PTPRD: variants seen among roughly 807,000 people sequenced by gnomAD.
PTPRD encodes receptor-type tyrosine-protein phosphatase delta.
In PTPRD, 34 loss-of-function variants were observed where a neutral mutation model predicts 214.5. The observed-to-expected ratio is 0.16, with a 90% CI of 0.12 to 0.21. The LOEUF (loss-of-function observed/expected upper bound fraction) is 0.21, where lower values mean the gene tolerates loss of function less well. Among genes scored for constraint, PTPRD ranks in the 10% least tolerant of loss-of-function variants. The pLI is 1.00. For synonymous variants in PTPRD, 1,128 were observed against 845.7 expected, an observed-to-expected ratio of 1.33 and a Z score of -5.79; for missense variants, 2,545 against 2,398.7, an observed-to-expected ratio of 1.06 and a Z score of -1.27.
intron 30 of PTPRD, among the ~76,000 whole-genome samples, chr9:8,473,333 T>C (rs1201897202): frequency 1.3e-5 from 2 of 152,094 alleles, no homozygotes; most frequent in African/African-American, 4.8e-5. Context: ...CCAATATCTT[T>C]TATGTTATGA....
At chr9:10,402,062 G>C (rs1241406272) in intron 2 of PTPRD, among the ~76,000 whole-genome samples, 2 of 151,504 alleles carry the variant, frequency 1.3e-5, no homozygotes, top group Non-Finnish European at 3.0e-5. Context: ...AGAGTAAAAT[G>C]ACTGTGGTTT....
chr9:8,328,067 T>G (rs1422003767), intron 44 of PTPRD, among the ~76,000 whole-genome samples: 1 of 152,190 alleles, frequency 6.6e-6, no homozygotes, highest in African/African-American at 2.4e-5. Flanking sequence ...CATTATGATG[T>G]TTGCTGGTTA....
intron 11 of PTPRD, among the ~76,000 whole-genome samples, chr9:8,981,286 T>C (rs1054885002): frequency 6.6e-6 from 1 of 152,084 alleles, no homozygotes; most frequent in Non-Finnish European, 1.5e-5. Flanking sequence ...GGATCATAAT[T>C]ATTTTTAGGA....
At chr9:8,498,817 T>G (rs2136721040) in intron 25 of PTPRD, among the ~76,000 whole-genome samples, 2 of 152,264 alleles carry the variant, frequency 1.3e-5, no homozygotes, top group South Asian at 4.2e-4. Context: ...AGATGAAATC[T>G]TCATCTTCCT....
chr9:8,455,074 T>C (rs1044530248), intron 33 of PTPRD, among the ~76,000 whole-genome samples: 1 of 152,238 alleles, frequency 6.6e-6, no homozygotes, highest in Non-Finnish European at 1.5e-5. Flanking sequence ...ATATAAAATA[T>C]CTGCAAATTG....
At chr9:10,079,176 A>C (rs1029263664) in intron 3 of PTPRD, among the ~76,000 whole-genome samples, 6 of 151,962 alleles carry the variant, frequency 3.9e-5, no homozygotes, top group African/African-American at 1.4e-4. Context: ...TGGGAAGGTA[A>C]AAATGGTACT....
At chr9:9,515,766 T>C (rs927049300) in intron 8 of PTPRD, among the ~76,000 whole-genome samples, 2 of 152,086 alleles carry the variant, frequency 1.3e-5, no homozygotes, top group Non-Finnish European at 2.9e-5. Flanking sequence ...AAAAGTTTGA[T>C]GTTCTTAAGT....
At chr9:8,934,484 TATATATATAAATATATATATAA>T (rs2098980693) in intron 11 of PTPRD, among the ~76,000 whole-genome samples, 2 of 15,732 alleles carry the variant, frequency 1.3e-4, no homozygotes, top group Non-Finnish European at 3.3e-4. Flanking sequence ...TATAAATATA[TATATATATAAATATATATATAA>T]ATATATATAT....
intron 9 of PTPRD, among the ~76,000 whole-genome samples, chr9:9,316,641 C>T (rs890259613): frequency 5.3e-5 from 8 of 152,032 alleles, no homozygotes; most frequent in African/African-American, 1.4e-4. Context: ...ATCAACTATG[C>T]CACTTTTCTT....
At chr9:9,658,716 T>A (rs1258910699) in intron 7 of PTPRD, among the ~76,000 whole-genome samples, 4 of 152,194 alleles carry the variant, frequency 2.6e-5, no homozygotes. Flanking sequence ...TTTATCCTGG[T>A]CATTATCACT....
chr9:10,297,330 T>C (rs959240103), intron 3 of PTPRD, among the ~76,000 whole-genome samples: 2 of 151,914 alleles, frequency 1.3e-5, no homozygotes, highest in Non-Finnish European at 2.9e-5. Context: ...TACAAGAAAC[T>C]GTACCATTTT....
intron 3 of PTPRD, among the ~76,000 whole-genome samples, chr9:10,209,108 G>C (rs937840625): frequency 1.3e-5 from 2 of 152,086 alleles, no homozygotes; most frequent in Non-Finnish European, 2.9e-5. Flanking sequence ...TGGAAACTGT[G>C]TGACTACAAT....
intron 11 of PTPRD, among the ~76,000 whole-genome samples, chr9:8,752,813 A>T (rs998278657): frequency 1.3e-5 from 2 of 152,120 alleles, no homozygotes; most frequent in Non-Finnish European, 2.9e-5. Flanking sequence ...CCAACAGCAG[A>T]ACCACCAAGT....
At chr9:9,193,379 C>T (rs116712823) in intron 9 of PTPRD, among the ~76,000 whole-genome samples, 179 of 152,204 alleles carry the variant, frequency 1.2e-3, no homozygotes, top group African/African-American at 4.3e-3. Context: ...ATAATCTTCT[C>T]CTGTTTTGTA....
At chr9:9,552,405 T>C (rs1427763927) in intron 8 of PTPRD, among the ~76,000 whole-genome samples, 1 of 152,084 alleles carries the variant, frequency 6.6e-6, no homozygotes, top group Non-Finnish European at 1.5e-5. Flanking sequence ...CCTCTAAAAT[T>C]TTGTTACTCC....
intron 8 of PTPRD, among the ~76,000 whole-genome samples, chr9:9,529,683 A>G (rs569862868): frequency 3.6e-4 from 54 of 151,454 alleles, no homozygotes; most frequent in African/African-American, 1.3e-3. Context: ...TTGCTGGTGG[A>G]AAGGAAAAAA....
chr9:10,253,017 C>A (rs1280243138), intron 3 of PTPRD, among the ~76,000 whole-genome samples: 1 of 152,226 alleles, frequency 6.6e-6, no homozygotes, highest in East Asian at 1.9e-4. Context: ...CTCTTGACCT[C>A]AGGTGATCCG....
At position 10,509,581 on chromosome 9, in the gene PTPRD, T is replaced by TATATATATATA. The variant is rs1566622187; in HGVS notation, c.-600+102816_-600+102817insTATATATATAT. Among the ~76,000 whole-genome samples, 301 of 58,956 alleles carry TATATATATATA rather than the reference T, an allele frequency of 5.1e-3. 5 individuals are homozygous for TATATATATATA. The highest frequency in any genetic ancestry group is 0.02 in the African/African-American group (272 of 13,360). 38.7% of individuals were successfully genotyped at this position (58,956 alleles called of 152,430 possible). A position where few individuals can be genotyped will look rare whatever the true frequency, so the allele number is the denominator to read the frequency against. Reference sequence around the variant, plus strand: ...ATTATATATATATATATATATATATTTTACTCACTTACTTACTTTCTGGCA... The same window carrying TATATATATATA: ...ATTATATATATATATATATATATATTATATATATATATTACTCACTTACTTACTTTCTGGCA... On this transcript the variant is annotated intron_variant, in intron 2 of 45. Coordinates refer to ENST00000381196, the MANE Select transcript of PTPRD (RefSeq NM_002839.4).
At chr9:8,525,173 T>G (rs1292073519) in intron 17 of PTPRD, 138 bp from the exon 18 acceptor site, 1 of 787,258 alleles carries the variant, frequency 1.3e-6, no homozygotes, top group South Asian at 1.4e-5. Flanking sequence ...CTTGCTAAGT[T>G]GCACAGACAG....
Sources: gnomAD v4.1 joint callset for allele counts (sites outside exome capture counted in the v4.1 genomes callset) on GRCh38, gnomAD v4.1.1 for gene constraint, MANE v1.5 for transcripts, NCBI Gene and HGNC (gene_info 2026-07-23, HGNC 2026-07-21) for gene names.